The following USP34 variants were observed in gnomAD, a reference collection of about 807,000 sequenced individuals.
USP34 encodes the protein ubiquitin specific peptidase 34, also known as ubiquitin carboxyl-terminal hydrolase 34.
A neutral mutation model predicts 460.3 loss-of-function variants in USP34; 70 were observed. The observed-to-expected ratio is 0.15, with a 90% CI of 0.13 to 0.19. The LOEUF is 0.19. USP34 is among the 10% of genes least tolerant of loss of function. The pLI, the probability that USP34 is intolerant of heterozygous loss-of-function variation, is 1.00. For missense variants in USP34, 3,985 were observed against 4,236.2 expected, an observed-to-expected ratio of 0.94 and a Z score of 1.65; for synonymous variants, 1,647 against 1,405.3, an observed-to-expected ratio of 1.17 and a Z score of -3.85.
In USP34 at chr2:61,256,416, A is replaced by T. The variant is rs1362976251; in HGVS notation, c.6189T>A (p.Ser2063=). The change falls in exon 48 of 80, where the codon TCT becomes TCA. Residue 2063 remains serine, a synonymous_variant. Coordinates refer to ENST00000398571, the MANE Select transcript of USP34 (RefSeq NM_014709.4). ...TLEGDNMYTC[S]HCGKKVRAEK... The stretch of plus-strand genomic sequence containing the variant: ...CAGCTCGTACTTTCTTCCCACAATG[A>T]GAACAAGTATACATGTTATCACCTT... The T allele has an allele frequency of 6.2e-7, 1 of 1,612,494 alleles. No homozygotes were observed.
intron 21 of USP34, among the ~76,000 whole-genome samples, chr2:61,323,787 T>C (rs888033130): frequency 6.6e-6 from 1 of 152,212 alleles, no homozygotes; most frequent in Non-Finnish European, 1.5e-5. Context: ...TAGTTTGACT[T>C]CTCCCTATAG....
intron 1 of USP34, among the ~76,000 whole-genome samples, chr2:61,432,768 T>C (rs150941541): frequency 1.3e-5 from 2 of 151,738 alleles, no homozygotes; most frequent in East Asian, 3.9e-4. Flanking sequence ...TTGGTAAATG[T>C]TGACTGGGTG....
intron 35 of USP34, among the ~76,000 whole-genome samples, chr2:61,284,269 TA>T (rs1272923205): frequency 6.6e-6 from 1 of 152,102 alleles, no homozygotes; most frequent in Non-Finnish European, 1.5e-5. Flanking sequence ...AAGACTCCTT[TA>T]AAAAATACAT....
At chr2:61,400,686 C>CA (rs926878161) in intron 3 of USP34, among the ~76,000 whole-genome samples, 1 of 151,850 alleles carries the variant, frequency 6.6e-6, no homozygotes, top group Non-Finnish European at 1.5e-5. Context: ...CCTGCCTCCT[C>CA]AAAAAAATTG....
intron 34 of USP34, 142 bp downstream of exon 34, chr2:61,288,535 T>G: frequency 1.3e-6 from 1 of 794,704 alleles, no homozygotes; most frequent in East Asian, 2.7e-5. Context: ...TCATAATCAC[T>G]ACTGCTTTAA....
rs551550858 is a variant in USP34, at chr2:61,437,247, G to A, written c.44-16414C>T. On this transcript the variant is annotated intron_variant, in intron 1 of 79. Coordinates refer to ENST00000398571, the MANE Select transcript of USP34 (RefSeq NM_014709.4). ...GAGATCAAAGATCAGAAAAAAGCTG[G>A]TCATTTGAAAAGATAAACAAAATCA... Among the ~76,000 whole-genome samples, 25 of 152,110 alleles carry A rather than the reference G, an allele frequency of 1.6e-4. No homozygotes were observed. In the South Asian group the frequency reaches 4.2e-3, roughly 25 times the overall value.
intron 1 of USP34, among the ~76,000 whole-genome samples, chr2:61,423,951 G>A (rs1237261694): frequency 6.6e-6 from 1 of 152,126 alleles, no homozygotes; most frequent in Non-Finnish European, 1.5e-5. Context: ...GCAAGATCCT[G>A]TCTCTTAAAA....
intron 1 of USP34, among the ~76,000 whole-genome samples, chr2:61,430,523 G>C (rs752363201): frequency 6.6e-6 from 1 of 152,206 alleles, no homozygotes; most frequent in African/African-American, 2.4e-5. Context: ...GAATAACTGG[G>C]TGATGGAAAT....
chr2:61,421,834 T>C (rs909878238), intron 1 of USP34, among the ~76,000 whole-genome samples: 2 of 151,970 alleles, frequency 1.3e-5, no homozygotes, highest in Non-Finnish European at 2.9e-5. Context: ...TCAGACTACA[T>C]ACACAATGTT....
chr2:61,347,247 A>G (rs1691799438), intron 15 of USP34, among the ~76,000 whole-genome samples: 1 of 152,256 alleles, frequency 6.6e-6, no homozygotes, highest in South Asian at 2.1e-4. Flanking sequence ...TGCACTAAAT[A>G]TTGAAGACTT....
At chr2:61,368,824 A>T (rs1234210952) in intron 10 of USP34, among the ~76,000 whole-genome samples, 1 of 152,168 alleles carries the variant, frequency 6.6e-6, no homozygotes, top group Non-Finnish European at 1.5e-5. Context: ...CAAGATACAA[A>T]ATCTACAGAC....
In USP34 at chr2:61,208,971, G is replaced by T. The variant is rs776328620; in HGVS notation, c.8847C>A (p.Phe2949Leu). 5.7e-6 allele frequency: 9 copies of T among 1,571,958 alleles called. No homozygotes were observed. The East Asian group carries it at 2.1e-4, about 36-fold the overall frequency. Residue 2949 changes from phenylalanine (F) to leucine (L), a missense_variant, in exon 70 of 80, where the codon TTC becomes TTA. Transcript: ENST00000398571. ...RSCWTTLISA[F>L]RILLESDEDR... ...CTTCATCAGATTCTAATAGTATTCT[G>T]AAGGCACTAGAAGAAAACATAAAGT...
At chr2:61,267,653 G>A (rs929375661) in intron 41 of USP34, among the ~76,000 whole-genome samples, 3 of 151,516 alleles carry the variant, frequency 2.0e-5, no homozygotes, top group East Asian at 1.9e-4. Flanking sequence ...TTGCTCTGTC[G>A]CCCAGGCTGG....
chr2:61,310,398 T>C (rs1204451109), intron 27 of USP34, among the ~76,000 whole-genome samples: 3 of 152,086 alleles, frequency 2.0e-5, no homozygotes, highest in Admixed American at 1.3e-4. Flanking sequence ...TAGTGAACTA[T>C]GCAGATCTCA....
rs1428025329 is a variant in USP34, at chr2:61,208,793, C to T, written c.8919+106G>A. On this transcript the variant is annotated intron_variant, in intron 70 of 79. Coordinates refer to ENST00000398571, the MANE Select transcript of USP34 (RefSeq NM_014709.4). ...CTGATCTATATAATTAAAACCTTGC[C>T]ACCTGTAAAACAGTTTACCATAAAC... 16 of 681,724 alleles carry T rather than the reference C, an allele frequency of 2.3e-5. No homozygotes were observed. The East Asian group carries it at 4.9e-4, about 21-fold the overall frequency. The allele number at this position is 681,724 out of a possible 1,614,324, so 42.2% of individuals were successfully genotyped here. A position where few individuals can be genotyped will look rare whatever the true frequency, so the allele number is the denominator to read the frequency against.
At chr2:61,426,194 C>G (rs1030042111) in intron 1 of USP34, among the ~76,000 whole-genome samples, 3 of 152,158 alleles carry the variant, frequency 2.0e-5, no homozygotes, top group African/African-American at 7.2e-5. Flanking sequence ...TGGGGCAAAA[C>G]TCCTACTTGA....
intron 64 of USP34, 53 bp downstream of exon 64, chr2:61,223,007 G>T: frequency 6.8e-7 from 1 of 1,476,648 alleles, no homozygotes. Flanking sequence ...AGATTTCAGG[G>T]TATTCTTTTT....
intron 27 of USP34, among the ~76,000 whole-genome samples, chr2:61,310,570 T>G (rs1488206901): frequency 6.6e-6 from 1 of 151,034 alleles, no homozygotes; most frequent in East Asian, 1.9e-4. Context: ...TGTATATATA[T>G]TCTTACATTA....
intron 39 of USP34, 89 bp downstream of exon 39, chr2:61,280,155 T>G: frequency 1.3e-6 from 1 of 746,186 alleles, no homozygotes; most frequent in Non-Finnish European, 2.0e-6. Context: ...TGAAGTACAC[T>G]TAATAACCAA....
Sources: allele counts gnomAD v4.1 joint callset (sites outside exome capture counted in the v4.1 genomes callset), GRCh38; gene constraint gnomAD v4.1.1; transcripts MANE v1.5; gene names NCBI Gene and HGNC (gene_info 2026-07-23, HGNC 2026-07-21).